The following SLC30A10 variants were observed in gnomAD, a reference collection of about 807,000 sequenced individuals.
SLC30A10 encodes calcium/manganese antiporter SLC30A10.
Under a neutral mutation model 21.7 loss-of-function variants are expected in SLC30A10, and 8 were observed. That is an observed-to-expected ratio of 0.37 (90% CI 0.22 to 0.67). SLC30A10 has a LOEUF of 0.67. SLC30A10 is among the 30% of genes least tolerant of loss of function. The pLI, the probability that SLC30A10 is intolerant of heterozygous loss-of-function variation, is 0.58. For synonymous variants in SLC30A10, 272 were observed against 279.4 expected, an observed-to-expected ratio of 0.97 and a Z score of 0.26; for missense variants, 521 against 642.5, an observed-to-expected ratio of 0.81 and a Z score of 2.04.
chr1:219,922,215 T>G (rs1200280698), intron 2 of SLC30A10, among the ~76,000 whole-genome samples: 687 of 47,586 alleles, frequency 0.014, 52 homozygotes, highest in African/African-American at 0.053. Flanking sequence ...TTTTTTTTTT[T>G]TTTTTTTTTT....
intron 1 of SLC30A10, among the ~76,000 whole-genome samples, chr1:219,936,338 CA>C (rs1660044799): frequency 1.3e-5 from 2 of 152,102 alleles, no homozygotes; most frequent in Non-Finnish European, 2.9e-5. Flanking sequence ...GCCATGGACC[CA>C]CAACCAACAT....
intron 1 of SLC30A10, among the ~76,000 whole-genome samples, chr1:219,937,813 A>G (rs1184710275): frequency 2.0e-5 from 3 of 152,224 alleles, no homozygotes; most frequent in African/African-American, 7.2e-5. Context: ...CTTAGTCTCA[A>G]AAAACTAGAA....
At chr1:219,958,634 T>C (rs1486229317) in exon 1 of SLC30A10, 1 of 152,604 alleles carries the variant, frequency 6.6e-6, no homozygotes, top group Non-Finnish European at 1.5e-5. Flanking sequence ...ATGACATAGT[T>C]AAGAACATTG....
At chr1:219,925,651 ATTTTTTTTT>A (rs1210071228) in intron 2 of SLC30A10, among the ~76,000 whole-genome samples, 11 of 48,274 alleles carry the variant, frequency 2.3e-4, no homozygotes, top group Admixed American at 3.9e-4. Flanking sequence ...ATATATATAT[ATTTTTTTTT>A]TTTTTTTTTT....
intron 1 of SLC30A10, among the ~76,000 whole-genome samples, chr1:219,945,682 G>A (rs1335997850): frequency 1.3e-5 from 2 of 152,180 alleles, no homozygotes; most frequent in African/African-American, 2.4e-5. Flanking sequence ...AAGAGATAAT[G>A]TTTGAAAAAT....
At chr1:219,942,574 T>G (rs1403911503) in intron 1 of SLC30A10, among the ~76,000 whole-genome samples, 1 of 152,222 alleles carries the variant, frequency 6.6e-6, no homozygotes, top group Non-Finnish European at 1.5e-5. Flanking sequence ...TCTAAAGTCA[T>G]GCTACGTATG....
chr1:219,920,474 C>T (rs913005450), intron 2 of SLC30A10, among the ~76,000 whole-genome samples: 7 of 152,174 alleles, frequency 4.6e-5, no homozygotes, highest in African/African-American at 1.2e-4. Context: ...CCATTTCCTC[C>T]GTAAGTAACA....
intron 1 of SLC30A10, among the ~76,000 whole-genome samples, chr1:219,939,003 A>G (rs146164202): frequency 1.9e-3 from 291 of 152,346 alleles, no homozygotes; most frequent in African/African-American, 6.7e-3. Context: ...TTTTAAGAGC[A>G]ATTTTTATTA....
rs1571803034 is a variant in SLC30A10, at chr1:219,928,248, T to C, written c.193A>G (p.Thr65Ala). 1.9e-6 allele frequency: 3 copies of C among 1,579,492 alleles called. No individual in the cohort carries two copies. The highest frequency in any genetic ancestry group is 2.6e-6 in the Non-Finnish European group (3 of 1,163,718). Residue 65 changes from threonine to alanine, a missense_variant, in exon 1 of 4, where the codon ACC (threonine) becomes GCC (alanine). By Grantham distance (58) the Thr-to-Ala change is moderately conservative. Coordinates refer to ENST00000366926, the MANE Select transcript of SLC30A10 (RefSeq NM_018713.3). The surrounding 1 kb of genome is among the most constrained non-coding windows in gnomAD (Gnocchi z 6.3). ...LSAGYIARRP[T>A]RGFSATYGYA... The stretch of plus-strand genomic sequence containing the variant: ...CCGTAGGTGGCGCTGAAGCCCCGGG[T>C]GGGGCGCCGGGCGATGTAGCCGGCG...
rs189909674 is a variant in SLC30A10 at position 219,925,950 on chromosome 1, C to T, written c.718+1078G>A. The stretch of plus-strand genomic sequence containing the variant: ...TGCTGGGATTACAGGCGTGAGCCAC[C>T]GCGCCCACCCCAATGTATATATTTT... On this transcript the variant is annotated intron_variant, in intron 2 of 3. Transcript: ENST00000366926. Among the ~76,000 whole-genome samples, 11 of 151,802 alleles carry T rather than the reference C, an allele frequency of 7.2e-5. No homozygotes were observed. The East Asian group carries it at 1.4e-3, about 19-fold the overall frequency.
chr1:219,927,638 T>TAA (rs77015523), intron 1 of SLC30A10, among the ~76,000 whole-genome samples, 163 bp downstream of exon 1: 47 of 53,410 alleles, frequency 8.8e-4, no homozygotes, highest in Non-Finnish European at 9.2e-4. Context: ...ATGGATTTAT[T>TAA]AAAAAAAAAA....
chr1:219,951,930 T>C (rs1004622548), intron 1 of SLC30A10, among the ~76,000 whole-genome samples: 1 of 152,090 alleles, frequency 6.6e-6, no homozygotes, highest in Non-Finnish European at 1.5e-5. Context: ...TGGTCTATGC[T>C]CCTTCTGGTT....
intron 1 of SLC30A10, among the ~76,000 whole-genome samples, chr1:219,944,960 A>C (rs1444832686): frequency 6.6e-6 from 1 of 152,202 alleles, no homozygotes; most frequent in Non-Finnish European, 1.5e-5. Context: ...ACACATATCT[A>C]ACTATATCCA....
chr1:219,928,427 G>C lies in SLC30A10; in HGVS notation c.14C>G (p.Ser5Cys). MGRY[S>C]GKTCRLLFML... is the part of the protein sequence containing the mutation. The stretch of plus-strand genomic sequence containing the variant: ...GAAGAGCAGCCGGCACGTCTTGCCA[G>C]AGTAGCGGCCCATCTCGCCACCAGC... The change falls in exon 1 of 4, where the codon TCT becomes TGT. Residue 5 changes from serine (S) to cysteine (C), a missense_variant. Transcript: ENST00000366926. The surrounding 1 kb of genome is among the most constrained non-coding windows in gnomAD (Gnocchi z 6.3). The C allele has an allele frequency of 6.2e-7, 1 of 1,610,748 alleles. No individual in the cohort carries two copies. Among genetic ancestry groups the C allele is most frequent in the Non-Finnish European group, 8.5e-7 (1 of 1,178,850 alleles).
At position 219,943,017 on chromosome 1, in the gene SLC30A10, C is replaced by T. The variant is rs552421333; in HGVS notation, n.80+15551G>A. Among the ~76,000 whole-genome samples the T allele has an allele frequency of 2.2e-4, 33 of 152,140 alleles. 1 individual carries two copies. The South Asian group carries it at 6.9e-3, about 32-fold the overall frequency. On this transcript the variant is annotated intron_variant and non_coding_transcript_variant, in intron 1 of 8. Transcript: ENST00000484239. The stretch of plus-strand genomic sequence containing the variant: ...CTGAGATCATGCCACTGCACTCTAG[C>T]CTCAGTGACAGAGCAAGACTCTGTC...
chr1:219,930,715 A>T (rs937523017), upstream of SLC30A10, among the ~76,000 whole-genome samples: 1 of 152,232 alleles, frequency 6.6e-6, no homozygotes, highest in Non-Finnish European at 1.5e-5. Context: ...CATTGGAAGT[A>T]TTTTCTAAAA....
Position 219,914,612 on chromosome 1 carries a change from A to G in SLC30A10, c.*837T>C, listed in dbSNP as rs1435093399. 3.3e-5 allele frequency: 5 copies of G among 152,216 alleles called. No individual in the cohort carries two copies. Among genetic ancestry groups the G allele is most frequent in the Non-Finnish European group, 7.3e-5 (5 of 68,038 alleles). 9.4% of individuals were successfully genotyped at this position (152,216 alleles called of 1,614,324 possible). A position where few individuals can be genotyped will look rare whatever the true frequency, so the allele number is the denominator to read the frequency against. ...GAAAGAAAATTCAAACGAAATTTGG[A>G]AAAATAAGTAAATCATTATCAAAGC... On this transcript the variant is annotated 3_prime_UTR_variant, in exon 4 of 4. Coordinates refer to ENST00000366926, the MANE Select transcript of SLC30A10 (RefSeq NM_018713.3).
chr1:219,932,705 CTT>C (rs58052957), upstream of SLC30A10, among the ~76,000 whole-genome samples: 31 of 64,908 alleles, frequency 4.8e-4, no homozygotes, highest in African/African-American at 8.8e-4. Flanking sequence ...AGTAACCATT[CTT>C]TTTTTTTTTT....
At position 219,912,726 on chromosome 1, in the gene SLC30A10, C is replaced by CT. The variant is rs397810444; in HGVS notation, c.*2722_*2723insA. 1.4e-5 allele frequency among the ~76,000 whole-genome samples: 1 copy of CT among 72,762 alleles called. No homozygotes were observed. The highest frequency in any genetic ancestry group is 4.0e-5 in the Non-Finnish European group (1 of 25,122). 47.7% of individuals were successfully genotyped at this position (72,762 alleles called of 152,430 possible). A position where few individuals can be genotyped will look rare whatever the true frequency, so the allele number is the denominator to read the frequency against. On this transcript the variant is annotated 3_prime_UTR_variant, in exon 4 of 4. Coordinates refer to ENST00000366926, the MANE Select transcript of SLC30A10 (RefSeq NM_018713.3). ...GCGAGCACCTGTAATCCCAGCTACT[C>CT]GGGAGGCTGAGGCAGGAGAATGGCG...
Sources: gnomAD v4.1 joint callset for allele counts (sites outside exome capture counted in the v4.1 genomes callset) on GRCh38, gnomAD v4.1.1 for gene constraint, Gnocchi (gnomAD v3.1) non-coding constraint, MANE v1.5 for transcripts, NCBI Gene and HGNC (gene_info 2026-07-23, HGNC 2026-07-21) for gene names.